Variants in MEF2C observed in about 807,000 individuals in gnomAD.
MEF2C encodes the protein myocyte-specific enhancer factor 2C.
Under a neutral mutation model 50.5 loss-of-function variants are expected in MEF2C, and 6 were observed. That is an observed-to-expected ratio of 0.12 (90% confidence interval 0.07 to 0.23). MEF2C has a LOEUF of 0.23. Ranked by LOEUF, MEF2C falls within the 10% of genes least tolerant of loss-of-function variation. MEF2C has a pLI of 1.00. For missense variants in MEF2C, 276 were observed against 605.0 expected (o/e 0.46, Z 5.70); for synonymous variants, 183 against 228.0 (o/e 0.80, Z 1.78).
intron 2 of MEF2C, among the ~76,000 whole-genome samples, chr5:88,820,774 G>A (rs1807949796): frequency 6.6e-6 from 1 of 151,962 alleles, no homozygotes; most frequent in African/African-American, 2.4e-5. Context: ...TACACAGTAT[G>A]ATATGCTGTT....
intron 2 of MEF2C, among the ~76,000 whole-genome samples, chr5:88,809,474 T>C (rs1801888683): frequency 6.6e-6 from 1 of 152,086 alleles, no homozygotes; most frequent in Non-Finnish European, 1.5e-5. Flanking sequence ...TAAAATAATA[T>C]CTCCCTTGTT....
chr5:88,773,841 T>C (rs1284966713), intron 3 of MEF2C, among the ~76,000 whole-genome samples: 1 of 152,242 alleles, frequency 6.6e-6, no homozygotes, highest in Non-Finnish European at 1.5e-5. Context: ...TACTTGTATA[T>C]TACTTCTCCC....
At chr5:88,861,032 G>A (rs369492105) in intron 1 of MEF2C, among the ~76,000 whole-genome samples, 1 of 152,036 alleles carries the variant, frequency 6.6e-6, no homozygotes, top group Non-Finnish European at 1.5e-5. Context: ...GGAATGATGC[G>A]GCTGGTCTCA....
intron 1 of MEF2C, among the ~76,000 whole-genome samples, chr5:88,863,964 G>A (rs1826385439): frequency 6.6e-6 from 1 of 151,928 alleles, no homozygotes; most frequent in East Asian, 1.9e-4. Flanking sequence ...AGGGATTACA[G>A]GGATGTGCCA....
At chr5:88,897,582 TCTTAAA>T (rs1219742379) in intron 1 of MEF2C, among the ~76,000 whole-genome samples, 3 of 152,202 alleles carry the variant, frequency 2.0e-5, no homozygotes, top group Non-Finnish European at 4.4e-5. Context: ...TTATTTAGCA[TCTTAAA>T]CTTAAGAAAA....
chr5:88,801,890 C>G (rs758399175), intron 3 of MEF2C, among the ~76,000 whole-genome samples: 2 of 152,112 alleles, frequency 1.3e-5, no homozygotes, highest in Non-Finnish European at 2.9e-5. Flanking sequence ...AAAAATATTC[C>G]ATGTGAAGAT....
At chr5:88,723,279 A>C (rs1757053162) in intron 10 of MEF2C, among the ~76,000 whole-genome samples, 1 of 152,212 alleles carries the variant, frequency 6.6e-6, no homozygotes, top group African/African-American at 2.4e-5. Context: ...TAGTTCTAAA[A>C]ATTAAATTTC....
intron 8 of MEF2C, 152 bp from the exon 9 acceptor site, chr5:88,729,499 C>G: frequency 1.4e-6 from 1 of 715,448 alleles, no homozygotes; most frequent in Non-Finnish European, 2.3e-6. Context: ...CTCTGCCAAC[C>G]CTATCATTTA....
At chr5:88,758,586 T>C (rs1776411340) in intron 4 of MEF2C, among the ~76,000 whole-genome samples, 1 of 152,178 alleles carries the variant, frequency 6.6e-6, no homozygotes, top group Non-Finnish European at 1.5e-5. Context: ...GTGGAGACAC[T>C]CTCTACATAC....
In MEF2C at chr5:88,788,073, T is replaced by C. The variant is rs920197423; in HGVS notation, c.258+16525A>G. Among the ~76,000 whole-genome samples, 114 of 152,358 alleles carry C rather than the reference T, an allele frequency of 7.5e-4. 1 individual carries two copies. Among genetic ancestry groups the C allele is most frequent in the Non-Finnish European group, 3.1e-4 (21 of 68,034 alleles). On this transcript the variant is annotated intron_variant, in intron 3 of 10. Transcript: ENST00000504921. Reference sequence around the variant, plus strand: ...TGACGCACAGTGGGCATGTCATAAATGCCTGCTGCAGGAATGGAAGGTGAA... The same window carrying C: ...TGACGCACAGTGGGCATGTCATAAACGCCTGCTGCAGGAATGGAAGGTGAA...
At chr5:88,852,156 G>C (rs772436867) in intron 1 of MEF2C, among the ~76,000 whole-genome samples, 2 of 152,084 alleles carry the variant, frequency 1.3e-5, no homozygotes, top group Non-Finnish European at 2.9e-5. Flanking sequence ...ATGTTGAACT[G>C]TATGTTCAAC....
chr5:88,839,869 T>A (rs1164219631), intron 1 of MEF2C, among the ~76,000 whole-genome samples: 1 of 152,194 alleles, frequency 6.6e-6, no homozygotes, highest in Non-Finnish European at 1.5e-5. Context: ...TCACTAAATT[T>A]ACTATGGAGA....
At chr5:88,880,021 C>G (rs894059339) in intron 1 of MEF2C, among the ~76,000 whole-genome samples, 13 of 150,142 alleles carry the variant, frequency 8.7e-5, no homozygotes, top group African/African-American at 3.2e-4. Context: ...TCTCGGTGAA[C>G]AGTCAAGCTT....
intron 6 of MEF2C, chr5:88,733,741 T>A: frequency 1.0e-6 from 1 of 985,268 alleles, no homozygotes; most frequent in Non-Finnish European, 1.2e-6. Flanking sequence ...ATTAAGTCTG[T>A]CAATTGGATT....
At chr5:88,787,240 C>G (rs1435461463) in intron 3 of MEF2C, among the ~76,000 whole-genome samples, 1 of 152,196 alleles carries the variant, frequency 6.6e-6, no homozygotes, top group African/African-American at 2.4e-5. Flanking sequence ...AAATAATACA[C>G]TTATTAGCAT....
rs1756201823 is a variant in MEF2C at position 88,721,115 on chromosome 5, G to C, written c.*1489C>G. The stretch of plus-strand genomic sequence containing the variant: ...GTAAATTCCATATCACTTGTTTCTA[G>C]GGCCATATTTGCAGGACATGTGCCC... On this transcript the variant is annotated 3_prime_UTR_variant, in exon 11 of 11. Transcript: ENST00000504921. 1 of 152,452 alleles carries C rather than the reference G, an allele frequency of 6.6e-6. No homozygotes were observed. The highest frequency in any genetic ancestry group is 1.5e-5 in the Non-Finnish European group (1 of 68,010). The allele number at this position is 152,452 out of a possible 1,614,324, so 9.4% of individuals were successfully genotyped here.
chr5:88,741,541 G>C, intron 6 of MEF2C: 1 of 985,266 alleles, frequency 1.0e-6, no homozygotes, highest in Non-Finnish European at 1.2e-6. Context: ...TTTTCACTGA[G>C]TTGCTTAATA....
At chr5:88,815,634 C>G (rs903685330) in intron 2 of MEF2C, among the ~76,000 whole-genome samples, 3 of 151,924 alleles carry the variant, frequency 2.0e-5, no homozygotes, top group Non-Finnish European at 2.9e-5. Context: ...TTTGCCAAAG[C>G]CATTATCCTC....
At chr5:88,829,461 G>A (rs1349547342) in intron 1 of MEF2C, among the ~76,000 whole-genome samples, 4 of 151,898 alleles carry the variant, frequency 2.6e-5, no homozygotes, top group Non-Finnish European at 4.4e-5. Context: ...TTGTTTCACC[G>A]TTTTATCCAC....
Sources: allele counts gnomAD v4.1 joint callset (sites outside exome capture counted in the v4.1 genomes callset), GRCh38; gene constraint gnomAD v4.1.1; transcripts MANE v1.5; gene names NCBI Gene and HGNC (gene_info 2026-07-23, HGNC 2026-07-21).